Variants in SLC44A1 observed in about 807,000 individuals in gnomAD.
SLC44A1 encodes the protein solute carrier family 44 member 1.
Under a neutral mutation model 79.3 loss-of-function variants are expected in SLC44A1, and 26 were observed. The ratio of observed to expected loss-of-function variants is 0.33; its 90% CI spans 0.24 to 0.46. The LOEUF (loss-of-function observed/expected upper bound fraction) is 0.46, where lower values mean the gene tolerates loss of function less well. Among genes scored for constraint, SLC44A1 ranks in the 20% least tolerant of loss-of-function variants. The pLI is 1.00. For synonymous variants in SLC44A1, 263 were observed against 286.2 expected (o/e 0.92, Z 0.82); for missense variants, 688 against 798.1 (o/e 0.86, Z 1.66).
intron 5 of SLC44A1, among the ~76,000 whole-genome samples, chr9:105,349,430 G>A (rs114041621): frequency 6.6e-6 from 1 of 152,230 alleles, no homozygotes; most frequent in African/African-American, 2.4e-5. Context: ...TCTGTTGAAA[G>A]TAGAAAAAAG....
intron 15 of SLC44A1, among the ~76,000 whole-genome samples, chr9:105,409,203 C>T (rs1055789087): frequency 4.6e-5 from 7 of 152,078 alleles, no homozygotes; most frequent in East Asian, 1.9e-4. Flanking sequence ...ACTCAATTTA[C>T]GTCCAAAGAC....
At chr9:105,329,414 G>A (rs948095322) in intron 3 of SLC44A1, among the ~76,000 whole-genome samples, 2 of 152,006 alleles carry the variant, frequency 1.3e-5, no homozygotes, top group Admixed American at 6.6e-5. Flanking sequence ...GGCAGGAGGC[G>A]GCCAGCAGAT....
chr9:105,260,335 T>C (rs901331477), intron 1 of SLC44A1, among the ~76,000 whole-genome samples: 1 of 152,206 alleles, frequency 6.6e-6, no homozygotes, highest in African/African-American at 2.4e-5. Flanking sequence ...CCTTTAAAAT[T>C]TTTTTCACTA....
intron 1 of SLC44A1, among the ~76,000 whole-genome samples, chr9:105,282,109 T>C (rs1025667141): frequency 1.3e-5 from 2 of 152,236 alleles, no homozygotes; most frequent in Non-Finnish European, 2.9e-5. Flanking sequence ...CAGGTCTGTC[T>C]GAGCTTGGGA....
At position 105,392,858 on chromosome 9, in the gene SLC44A1, A is replaced by G. The variant is rs1344550038; in HGVS notation, c.*3802A>G. The G allele has an allele frequency of 2.0e-6, 2 of 985,262 alleles. No individual in the cohort carries two copies. The highest frequency in any genetic ancestry group is 1.7e-5 in the African/African-American group (1 of 57,240). 61.0% of individuals were successfully genotyped at this position (985,262 alleles called of 1,614,324 possible). On this transcript the variant is annotated 3_prime_UTR_variant, in exon 16 of 16. Coordinates refer to ENST00000374720, the MANE Select transcript of SLC44A1 (RefSeq NM_080546.5). ...CTTGTCATTTAAATTGGACTTTCCA[A>G]TAGCCTTAACATGGCCTCTGAGAAG...
chr9:105,268,363 A>C (rs553001538), intron 1 of SLC44A1, among the ~76,000 whole-genome samples: 1 of 152,208 alleles, frequency 6.6e-6, no homozygotes, highest in South Asian at 2.1e-4. Context: ...CCTGCTTCGT[A>C]GTTCCAAATG....
At chr9:105,263,206 A>G (rs935457327) in intron 1 of SLC44A1, among the ~76,000 whole-genome samples, 2 of 152,222 alleles carry the variant, frequency 1.3e-5, no homozygotes, top group African/African-American at 4.8e-5. Context: ...ACTTCCAGCA[A>G]CAGATAACTT....
intron 10 of SLC44A1, 80 bp downstream of exon 10, chr9:105,364,800 TG>T: frequency 9.2e-7 from 1 of 1,084,448 alleles, no homozygotes; most frequent in Non-Finnish European, 1.4e-6. Context: ...GGAATCAGAC[TG>T]GGGCTGGCAG....
Position 105,390,011 on chromosome 9 carries a change from G to T in SLC44A1, c.*955G>T. On this transcript the variant is annotated 3_prime_UTR_variant, in exon 16 of 16. Coordinates refer to ENST00000374720, the MANE Select transcript of SLC44A1 (RefSeq NM_080546.5). ...TTCAGAGTAACGTCAGTGGCTTAGG[G>T]TTAAACGGCCATTTTATTCAAATGC... The T allele has an allele frequency of 7.2e-7, 1 of 1,386,358 alleles. No individual in the cohort carries two copies. Among genetic ancestry groups the T allele is most frequent in the Non-Finnish European group, 9.4e-7 (1 of 1,067,388 alleles). The allele number at this position is 1,386,358 out of a possible 1,614,324, so 85.9% of individuals were successfully genotyped here. A position where few individuals can be genotyped will look rare whatever the true frequency, so the allele number is the denominator to read the frequency against.
chr9:105,405,827 A>C (rs1472280348), intron 15 of SLC44A1, among the ~76,000 whole-genome samples: 1 of 152,180 alleles, frequency 6.6e-6, no homozygotes, highest in Non-Finnish European at 1.5e-5. Context: ...TGTGGTGAAG[A>C]ATAACAGATG....
chr9:105,267,160 T>C (rs1374835434), intron 1 of SLC44A1, among the ~76,000 whole-genome samples: 2 of 152,364 alleles, frequency 1.3e-5, no homozygotes, highest in East Asian at 3.9e-4. Flanking sequence ...TACAGAATTC[T>C]AGGTTGGAAA....
At chr9:105,385,332 G>A in intron 14 of SLC44A1, 90 bp from the exon 15 acceptor site, 10 of 892,734 alleles carry the variant, frequency 1.1e-5, no homozygotes, top group Non-Finnish European at 1.6e-5. Flanking sequence ...TACCAAGATT[G>A]AGTCAAAAAT....
rs1342789562 is a variant in SLC44A1 at position 105,395,180 on chromosome 9, CACCCCA to C, written c.*6125_*6130del. On this transcript the variant is annotated 3_prime_UTR_variant, in exon 16 of 16. Coordinates refer to ENST00000374720, the MANE Select transcript of SLC44A1 (RefSeq NM_080546.5). ...AAGGAGAAAAGTCAGCCCCCTACCC[CACCCCA>C]CACTCCTAGAAAAGTTTGGGGGTTT... The C allele has an allele frequency of 1.0e-6, 1 of 985,184 alleles. No homozygotes were observed. The highest frequency in any genetic ancestry group is 6.1e-5 in the Admixed American group (1 of 16,262). The allele number at this position is 985,184 out of a possible 1,614,324, so 61.0% of individuals were successfully genotyped here.
chr9:105,343,709 T>C (rs115957183), intron 4 of SLC44A1, among the ~76,000 whole-genome samples: 6 of 152,310 alleles, frequency 3.9e-5, no homozygotes, highest in African/African-American at 1.4e-4. Flanking sequence ...ACTAATTCTT[T>C]CATTCAACAA....
At chr9:105,260,176 TC>T (rs371764611) in intron 1 of SLC44A1, among the ~76,000 whole-genome samples, 13 of 152,158 alleles carry the variant, frequency 8.5e-5, no homozygotes, top group African/African-American at 2.9e-4. Context: ...TTTGAGAGGT[TC>T]TTCTTGCTCA....
In SLC44A1 at chr9:105,396,226, C is replaced by T; in HGVS notation, c.*7170C>T. 1.0e-6 allele frequency: 1 copy of T among 985,082 alleles called. No individual in the cohort carries two copies. Among genetic ancestry groups the T allele is most frequent in the Non-Finnish European group, 1.2e-6 (1 of 829,664 alleles). The allele number at this position is 985,082 out of a possible 1,614,324, so 61.0% of individuals were successfully genotyped here. On this transcript the variant is annotated 3_prime_UTR_variant, in exon 16 of 16. Coordinates refer to ENST00000374720, the MANE Select transcript of SLC44A1 (RefSeq NM_080546.5). ...CTCCATAATGAAAGAAGTTGTTATACTTTCTCAGAATATTCTGGACCACTG... is the reference window on the plus strand; with the variant it reads ...CTCCATAATGAAAGAAGTTGTTATATTTTCTCAGAATATTCTGGACCACTG...
intron 1 of SLC44A1, among the ~76,000 whole-genome samples, chr9:105,264,567 T>A (rs1487613601): frequency 6.6e-6 from 1 of 152,242 alleles, no homozygotes. Flanking sequence ...GTTGTCTTGT[T>A]CTACTGTCTA....
rs79847499 is a variant in SLC44A1 at position 105,338,638 on chromosome 9, T to A, written c.406+2939T>A. 4.7e-3 allele frequency among the ~76,000 whole-genome samples: 714 copies of A among 152,302 alleles called. 4 individuals are homozygous for A. Among genetic ancestry groups the A allele is most frequent in the Admixed American group, 0.013 (202 of 15,300 alleles). ...TGTGTTGTCTAGGCTGGTGTCAAAC[T>A]CCTAGCCTTAAGCGATCCTCCCTCC... is the stretch of plus-strand genomic sequence containing the variant. On this transcript the variant is annotated intron_variant, in intron 4 of 15. Transcript: ENST00000374720.
In SLC44A1 at chr9:105,276,565, CGTGTGTGTGTGTGTGTGTGT is replaced by C. The variant is rs60259632; in HGVS notation, c.37-22620_37-22601del. 2.5e-4 allele frequency among the ~76,000 whole-genome samples: 30 copies of C among 118,996 alleles called. No individual in the cohort carries two copies. In the East Asian group the frequency reaches 2.5e-3, roughly 10 times the overall value. 78.1% of individuals were successfully genotyped at this position (118,996 alleles called of 152,430 possible). On this transcript the variant is annotated intron_variant, in intron 1 of 15. Coordinates refer to ENST00000374720, the MANE Select transcript of SLC44A1 (RefSeq NM_080546.5). ...AAGTTAGGAAACGGGGATGGGGAGC[CGTGTGTGTGTGTGTGTGTGT>C]GTGTGTGTGTGTGTGTGTGTGTGTG...
Sources: allele counts gnomAD v4.1 joint callset (sites outside exome capture counted in the v4.1 genomes callset), GRCh38; gene constraint gnomAD v4.1.1; transcripts MANE v1.5; gene names NCBI Gene and HGNC (gene_info 2026-07-23, HGNC 2026-07-21).